Variants in FDFT1 observed in about 807,000 individuals in gnomAD.
The protein encoded by FDFT1 is squalene synthase.
In FDFT1, 68 loss-of-function variants were observed where a neutral mutation model predicts 46.8. The ratio of observed to expected loss-of-function variants is 1.45; its 90% CI spans 1.19 to 1.78. The LOEUF (loss-of-function observed/expected upper bound fraction) is 1.78, where lower values mean the gene tolerates loss of function less well. FDFT1 is among the 40% of genes most tolerant of loss of function. FDFT1 has a pLI of 0.00. For missense variants in FDFT1, 928 were observed against 524.4 expected (o/e 1.77, Z -7.52); for synonymous variants, 351 against 185.1 (o/e 1.90, Z -7.28).
At chr8:11,800,804 A>G (rs28475740), upstream of FDFT1, among the ~76,000 whole-genome samples, 1,839 of 152,290 alleles carry the variant, frequency 0.012, 32 homozygotes, top group African/African-American at 0.034. Flanking sequence ...TGGGGAGGAA[A>G]GTCTTTGAAG....
intron 3 of FDFT1, among the ~76,000 whole-genome samples, chr8:11,810,776 C>T (rs1438355509): frequency 6.6e-6 from 1 of 151,646 alleles, no homozygotes; most frequent in Non-Finnish European, 1.5e-5. Context: ...TCGAAGAAGC[C>T]CTTTTTGTCC....
At chr8:11,811,285 T>C (rs536849514) in intron 3 of FDFT1, among the ~76,000 whole-genome samples, 56 of 152,320 alleles carry the variant, frequency 3.7e-4, no homozygotes, top group African/African-American at 1.3e-3. Flanking sequence ...GCAGAGGAAG[T>C]AGTAATACCC....
intron 3 of FDFT1, 115 bp from the exon 4 acceptor site, chr8:11,821,635 C>CTT (rs1477963904): frequency 4.0e-6 from 5 of 1,241,940 alleles, no homozygotes; most frequent in Non-Finnish European, 5.8e-6. Flanking sequence ...CTAAATTAGG[C>CTT]TTATAGATGA....
In FDFT1 at chr8:11,808,664, C is replaced by G. The variant is rs375613987; in HGVS notation, c.100-130C>G. On this transcript the variant is annotated intron_variant, in intron 1 of 7. Transcript: ENST00000220584. ...CTCCTGCCGCCTGGCCCTGCAAGGA[C>G]TGGCCTCGGGGAGAGGGCGGCAGGC... The G allele has an allele frequency of 3.6e-5, 52 of 1,461,434 alleles. No homozygotes were observed. In the East Asian group the frequency reaches 5.4e-4, roughly 15 times the overall value. The allele number at this position is 1,461,434 out of a possible 1,614,324, so 90.5% of individuals were successfully genotyped here.
chr8:11,809,293 T>G, intron 2 of FDFT1: 1 of 1,095,984 alleles, frequency 9.1e-7, no homozygotes, highest in Non-Finnish European at 1.1e-6. Context: ...GTTGCCTTTA[T>G]GTATGATCGT....
intron 3 of FDFT1, among the ~76,000 whole-genome samples, chr8:11,815,209 T>C (rs1205475118): frequency 6.6e-6 from 1 of 152,234 alleles, no homozygotes; most frequent in Non-Finnish European, 1.5e-5. Flanking sequence ...CATCCTTTTT[T>C]TATGGCTGTG....
At chr8:11,799,781 A>G (rs1805918315), upstream of FDFT1, among the ~76,000 whole-genome samples, 1 of 151,998 alleles carries the variant, frequency 6.6e-6, no homozygotes, top group South Asian at 2.1e-4. Context: ...CCCTGTCTCA[A>G]CTAAAAATAA....
chr8:11,818,565 T>A (rs1808785807), intron 3 of FDFT1, among the ~76,000 whole-genome samples: 1 of 152,210 alleles, frequency 6.6e-6, no homozygotes, highest in African/African-American at 2.4e-5. Flanking sequence ...TACATATATG[T>A]TTAAGATAGT....
intron 3 of FDFT1, among the ~76,000 whole-genome samples, chr8:11,817,225 G>GA (rs1383022866): frequency 6.6e-6 from 1 of 152,214 alleles, no homozygotes; most frequent in Non-Finnish European, 1.5e-5. Flanking sequence ...AAGCCGACTT[G>GA]ATCGTGGTGG....
intron 3 of FDFT1, among the ~76,000 whole-genome samples, chr8:11,811,432 A>C (rs1413545159): frequency 6.6e-6 from 1 of 152,236 alleles, no homozygotes; most frequent in Non-Finnish European, 1.5e-5. Context: ...CATGGGATAA[A>C]TGTGTTAGGT....
At chr8:11,828,264 C>T (rs77933205) in intron 5 of FDFT1, among the ~76,000 whole-genome samples, 3,315 of 152,174 alleles carry the variant, frequency 0.022, 123 homozygotes, top group African/African-American at 0.074. Flanking sequence ...TTCTAGCAGC[C>T]TGGGAGACAG....
At chr8:11,820,749 A>T (rs1479840764) in intron 3 of FDFT1, among the ~76,000 whole-genome samples, 2 of 152,130 alleles carry the variant, frequency 1.3e-5, no homozygotes, top group Non-Finnish European at 2.9e-5. Context: ...GGCAGAGTAT[A>T]CTGTTCCTCC....
At chr8:11,831,405 T>C in intron 6 of FDFT1, 113 bp from the exon 7 acceptor site, 1 of 864,480 alleles carries the variant, frequency 1.2e-6, no homozygotes, top group Non-Finnish European at 1.8e-6. Flanking sequence ...TCCATCTTAG[T>C]TGATTAGCAG....
intron 4 of FDFT1, among the ~76,000 whole-genome samples, chr8:11,822,537 C>T (rs1360756539): frequency 6.6e-6 from 1 of 152,050 alleles, no homozygotes; most frequent in Non-Finnish European, 1.5e-5. Context: ...TGAAGTTAGC[C>T]GGGTACTATG....
chr8:11,809,700 A>C lies in FDFT1; in HGVS notation c.231A>C (p.Arg77=), dbSNP rs2130726579. 1 of 1,613,498 alleles carries C rather than the reference A, an allele frequency of 6.2e-7. No homozygotes were observed. ...NAVCIFYLVL[R]ALDTLEDDMT... ...TGTGCATATTTTATCTGGTTCTCCG[A>C]GCTCTGGACACACTGGAAGATGACA... is the stretch of plus-strand genomic sequence containing the variant. Residue 77 remains arginine (R), a synonymous_variant, in exon 3 of 8, where the codon CGA becomes CGC. Transcript: ENST00000220584.
At chr8:11,818,560 A>G (rs1043218026) in intron 3 of FDFT1, among the ~76,000 whole-genome samples, 14 of 152,202 alleles carry the variant, frequency 9.2e-5, no homozygotes, top group African/African-American at 2.7e-4. Flanking sequence ...TTGGGTACAT[A>G]TATGTTTAAG....
chr8:11,801,182 G>A (rs1217937827), upstream of FDFT1, among the ~76,000 whole-genome samples: 5 of 152,186 alleles, frequency 3.3e-5, no homozygotes, highest in African/African-American at 9.7e-5. Flanking sequence ...CCTAGGGCCA[G>A]AGAAAGCAAA....
At chr8:11,827,960 G>C (rs1363064887) in intron 5 of FDFT1, among the ~76,000 whole-genome samples, 1 of 152,108 alleles carries the variant, frequency 6.6e-6, no homozygotes, top group Non-Finnish European at 1.5e-5. Context: ...CCAGCACTTT[G>C]GGAAGCCCAG....
chr8:11,814,882 A>C (rs1423093858), intron 3 of FDFT1, among the ~76,000 whole-genome samples: 1 of 150,704 alleles, frequency 6.6e-6, no homozygotes, highest in Admixed American at 6.6e-5. Flanking sequence ...TTTTTCTTTT[A>C]TTATACTTTA....
Sources: allele counts gnomAD v4.1 joint callset (sites outside exome capture counted in the v4.1 genomes callset), GRCh38; gene constraint gnomAD v4.1.1; transcripts MANE v1.5; gene names NCBI Gene and HGNC (gene_info 2026-07-23, HGNC 2026-07-21).